EHMT2: variants seen among roughly 807,000 people sequenced by gnomAD.
EHMT2 encodes histone-lysine N-methyltransferase EHMT2.
Under a neutral mutation model 143.3 loss-of-function variants are expected in EHMT2, and 59 were observed. The observed-to-expected ratio is 0.41, with a 90% confidence interval of 0.33 to 0.51. The LOEUF is 0.51. Among genes scored for constraint, EHMT2 ranks in the 20% least tolerant of loss-of-function variants. EHMT2 has a pLI of 0.18. For synonymous variants in EHMT2, 604 were observed against 651.5 expected (o/e 0.93, Z 1.11); for missense variants, 1,174 against 1,645.9 (o/e 0.71, Z 4.96).
At chr6:31,896,182 G>C in intron 4 of EHMT2, 81 bp downstream of exon 4, 2 of 1,522,614 alleles carry the variant, frequency 1.3e-6, no homozygotes, top group South Asian at 1.3e-5. Context: ...TGAGTAAATG[G>C]AGTAGAAGCC....
intron 18 of EHMT2, chr6:31,886,379 C>A (rs929319226): frequency 8.4e-6 from 5 of 593,214 alleles, no homozygotes; most frequent in Non-Finnish European, 1.5e-5. Context: ...AAGACAGGAA[C>A]TGATTATTCT....
chr6:31,897,479 G>A (rs1257908940), intron 1 of EHMT2, among the ~76,000 whole-genome samples, 157 bp downstream of exon 1: 1 of 129,674 alleles, frequency 7.7e-6, no homozygotes, highest in Non-Finnish European at 1.7e-5. Flanking sequence ...CCCACACCCT[G>A]GTCCCCTCAT....
rs751211987 is a variant in EHMT2, at chr6:31,888,115, C to G, written c.1671G>C (p.Pro557=). The stretch of plus-strand genomic sequence containing the variant: ...GGGGTGCAGGAGCTGCAGTGCCGGC[C>G]GGTGGGGTCACCCCGTCACCCCGGG... The change falls in exon 13 of 28, where the codon CCG becomes CCC. Residue 557 remains proline, a synonymous_variant. Transcript: ENST00000375537. This position sits in a 1 kb window ranked among gnomAD's most constrained non-coding sequence, Gnocchi z 7.4. 11 of 1,611,944 alleles carry G rather than the reference C, an allele frequency of 6.8e-6. No homozygotes were observed. The highest frequency in any genetic ancestry group is 9.3e-6 in the Non-Finnish European group (11 of 1,179,616).
intron 18 of EHMT2, chr6:31,885,638 G>A (rs914100022): frequency 2.6e-5 from 4 of 152,332 alleles, no homozygotes; most frequent in Non-Finnish European, 5.9e-5. Flanking sequence ...AGGGTTGCTT[G>A]AGCCCAGGAT....
Position 31,888,864 on chromosome 6 carries a change from C to A in EHMT2, c.1216+105G>T. The A allele has an allele frequency of 6.6e-7, 1 of 1,511,168 alleles. No homozygotes were observed. The highest frequency in any genetic ancestry group is 9.0e-7 in the Non-Finnish European group (1 of 1,114,484). The allele number at this position is 1,511,168 out of a possible 1,614,324, so 93.6% of individuals were successfully genotyped here. On this transcript the variant is annotated intron_variant, in intron 10 of 27. Transcript: ENST00000375537. This position sits in a 1 kb window ranked among gnomAD's most constrained non-coding sequence, Gnocchi z 7.4. ...CCGCCATGCCCCAGAACCCCTAAAG[C>A]CTGGCCATGGACACCCCGGCTCTGG...
At chr6:31,882,637 G>T in intron 25 of EHMT2, 62 bp downstream of exon 25, 1 of 1,490,284 alleles carries the variant, frequency 6.7e-7, no homozygotes, top group Non-Finnish European at 9.2e-7. Flanking sequence ...GGGAGGCCTG[G>T]CAGTCAGCAG....
At position 31,880,119 on chromosome 6, in the gene EHMT2, G is replaced by A. The variant is rs1365772021; in HGVS notation, c.3598C>T (p.Pro1200Ser). Residue 1200 changes from proline to serine, a missense_variant, in exon 28 of 28, where the codon CCC (proline) becomes TCC (serine). Coordinates refer to ENST00000375537, the Ensembl canonical transcript of EHMT2. This position sits in a 1 kb window ranked among gnomAD's most constrained non-coding sequence, Gnocchi z 6.6. Reference sequence around the variant, plus strand: ...ACAGGGGGCAGGGAGCCGAGCTCGGGCAGCAGCTCAGGGTGTGGGTCCAGG... The same window carrying A: ...ACAGGGGGCAGGGAGCCGAGCTCGGACAGCAGCTCAGGGTGTGGGTCCAGG... 2 of 1,612,724 alleles carry A rather than the reference G, an allele frequency of 1.2e-6. No individual in the cohort carries two copies. The highest frequency in any genetic ancestry group is 1.7e-6 in the Non-Finnish European group (2 of 1,179,988).
In EHMT2 at chr6:31,884,528, G is replaced by A; in HGVS notation, c.2635C>T (p.Leu879=). The change falls in exon 21 of 28, where the codon CTG becomes TTG. Residue 879 remains leucine (L), a synonymous_variant. Coordinates refer to ENST00000375537, the Ensembl canonical transcript of EHMT2. The surrounding 1 kb of genome is among the most constrained non-coding windows in gnomAD (Gnocchi z 7.3). ...GCTGTGTCCCCCTCTTTGTTCCGCA[G>A]CTCAGGGTTGGCCCCACGTGACAGG... is the stretch of plus-strand genomic sequence containing the variant. The A allele has an allele frequency of 1.2e-6, 2 of 1,612,984 alleles. No individual in the cohort carries two copies. Among genetic ancestry groups the A allele is most frequent in the South Asian group, 1.1e-5 (1 of 91,086 alleles).
Position 31,889,465 on chromosome 6 carries a change from T to C in EHMT2, c.999+3A>G. 2 of 1,612,756 alleles carry C rather than the reference T, an allele frequency of 1.2e-6. No homozygotes were observed. The highest frequency in any genetic ancestry group is 3.3e-5 in the Admixed American group (2 of 60,014). Reference sequence around the variant, plus strand: ...TCTGGAGATATCAGCCTCCGTCTCTTACCCTATCTGACTGATTCCCTGACT... The same window carrying C: ...TCTGGAGATATCAGCCTCCGTCTCTCACCCTATCTGACTGATTCCCTGACT... On this transcript the variant is annotated splice_donor_region_variant and intron_variant, in intron 8 of 27. Coordinates refer to ENST00000375537, the Ensembl canonical transcript of EHMT2. The surrounding 1 kb of genome is among the most constrained non-coding windows in gnomAD (Gnocchi z 5.1).
At position 31,880,686 on chromosome 6, in the gene EHMT2, C is replaced by A. The variant is rs1451518269; in HGVS notation, c.3439G>T (p.Gly1147Trp). The A allele has an allele frequency of 6.2e-7, 1 of 1,613,884 alleles. No individual in the cohort carries two copies. Among genetic ancestry groups the A allele is most frequent in the Non-Finnish European group, 8.5e-7 (1 of 1,180,038 alleles). The change falls in exon 27 of 28, where the codon GGG (glycine) becomes TGG (tryptophan). Residue 1147 changes from glycine to tryptophan, a missense_variant. Physicochemically the swap from Gly to Trp is radical, Grantham distance 184. Coordinates refer to ENST00000375537, the Ensembl canonical transcript of EHMT2. The surrounding 1 kb of genome is among the most constrained non-coding windows in gnomAD (Gnocchi z 6.6). ...CTAGAGTCTCACCCTAGCTCCTCCC[C>A]AGTCCGGATGTCTCGGGAACTGAAG...
Position 31,884,202 on chromosome 6 carries a change from T to A in EHMT2, c.2771+190A>T. ...CATCTGTGCATCTGAAATTCCAGTT[T>A]AACTGGGTGTCTTCTATTTTTATTT... On this transcript the variant is annotated intron_variant, in intron 21 of 27. Coordinates refer to ENST00000375537, the Ensembl canonical transcript of EHMT2. This position sits in a 1 kb window ranked among gnomAD's most constrained non-coding sequence, Gnocchi z 7.3. The A allele has an allele frequency of 1.3e-6, 1 of 742,428 alleles. No individual in the cohort carries two copies. Among genetic ancestry groups the A allele is most frequent in the Non-Finnish European group, 2.1e-6 (1 of 469,994 alleles). The allele number at this position is 742,428 out of a possible 1,614,324, so 46.0% of individuals were successfully genotyped here. A position where few individuals can be genotyped will look rare whatever the true frequency, so the allele number is the denominator to read the frequency against.
rs1477118557 is a variant in EHMT2, at chr6:31,880,156, G to A, written c.3561C>T (p.Ser1187=). ...GGTGTGGGTCCAGGCGGGCCAGACG[G>A]CTCTGCTCCAGGGCAATGGCTTCGG... The change falls in exon 28 of 28, where the codon AGC becomes AGT. Residue 1187 remains serine, a synonymous_variant. Coordinates refer to ENST00000375537, the Ensembl canonical transcript of EHMT2. This position sits in a 1 kb window ranked among gnomAD's most constrained non-coding sequence, Gnocchi z 6.6. 1 of 1,613,014 alleles carries A rather than the reference G, an allele frequency of 6.2e-7. No individual in the cohort carries two copies. Among genetic ancestry groups the A allele is most frequent in the South Asian group, 1.1e-5 (1 of 91,086 alleles).
Position 31,883,199 on chromosome 6 carries a change from G to C in EHMT2, c.2994+163C>G, listed in dbSNP as rs1453485948. 1.1e-6 allele frequency: 1 copy of C among 884,070 alleles called. No individual in the cohort carries two copies. The highest frequency in any genetic ancestry group is 1.6e-5 in the South Asian group (1 of 62,472). The allele number at this position is 884,070 out of a possible 1,614,324, so 54.8% of individuals were successfully genotyped here. On this transcript the variant is annotated intron_variant, in intron 23 of 27. Coordinates refer to ENST00000375537, the Ensembl canonical transcript of EHMT2. The surrounding 1 kb of genome is among the most constrained non-coding windows in gnomAD (Gnocchi z 5.6). ...TAGACCTGGGCACACGCCCATCGCTGTCCCAGCCACATCCCAGGATTCCCA... is the reference window on the plus strand; with the variant it reads ...TAGACCTGGGCACACGCCCATCGCTCTCCCAGCCACATCCCAGGATTCCCA...
chr6:31,879,863 T>C (rs1477906303), exon 28 of EHMT2: 3 of 551,332 alleles, frequency 5.4e-6, no homozygotes, highest in Admixed American at 6.1e-5. Context: ...ACACGGGGGG[T>C]GGCCAGCCCT....
intron 16 of EHMT2, 37 bp from the exon 17 acceptor site, chr6:31,886,934 T>C (rs1764935498): frequency 2.5e-6 from 4 of 1,613,748 alleles, no homozygotes; most frequent in South Asian, 1.1e-5. Flanking sequence ...CAGGGAGGCA[T>C]GGGGCAGGGG....
Position 31,880,047 on chromosome 6 carries a change from G to A in EHMT2, c.*37C>T. Reference sequence around the variant, plus strand: ...GTGGCAGAGGAGGCGGCTGAGCTGTGGCCATCCATGCTGGGGAGAGAGGGT... The same window carrying A: ...GTGGCAGAGGAGGCGGCTGAGCTGTAGCCATCCATGCTGGGGAGAGAGGGT... On this transcript the variant is annotated 3_prime_UTR_variant, in exon 28 of 28. Transcript: ENST00000375537. This position sits in a 1 kb window ranked among gnomAD's most constrained non-coding sequence, Gnocchi z 6.6. 1 of 1,595,708 alleles carries A rather than the reference G, an allele frequency of 6.3e-7. No individual in the cohort carries two copies.
chr6:31,894,508 C>T (rs1457211537), intron 4 of EHMT2, among the ~76,000 whole-genome samples: 1 of 152,116 alleles, frequency 6.6e-6, no homozygotes, highest in Non-Finnish European at 1.5e-5. Flanking sequence ...GTCTCAAACT[C>T]CTGACCTCAG....
Position 31,881,496 on chromosome 6 carries a change from G to A in EHMT2, c.3198-404C>T, listed in dbSNP as rs1562472569. The A allele has an allele frequency of 6.9e-6, 2 of 291,270 alleles. No individual in the cohort carries two copies. Among genetic ancestry groups the A allele is most frequent in the African/African-American group, 2.1e-5 (1 of 46,876 alleles). The allele number at this position is 291,270 out of a possible 1,614,324, so 18.0% of individuals were successfully genotyped here. A position where few individuals can be genotyped will look rare whatever the true frequency, so the allele number is the denominator to read the frequency against. ...TGGCAAGGAACTCAAGGCATGATTC[G>A]GGGCAAGAGCACCCACACATATCTG... On this transcript the variant is annotated intron_variant, in intron 25 of 27. Coordinates refer to ENST00000375537, the Ensembl canonical transcript of EHMT2. This position sits in a 1 kb window ranked among gnomAD's most constrained non-coding sequence, Gnocchi z 4.8.
chr6:31,886,809 T>A, exon 17 of EHMT2: 1 of 1,614,264 alleles, frequency 6.2e-7, no homozygotes, highest in East Asian at 2.2e-5. Flanking sequence ...CTGCACCATG[T>A]AACGGGCTAC....
Sources: allele counts gnomAD v4.1 joint callset (sites outside exome capture counted in the v4.1 genomes callset), GRCh38; gene constraint gnomAD v4.1.1; non-coding constraint Gnocchi (gnomAD v3.1); transcripts MANE v1.5; gene names NCBI Gene and HGNC (gene_info 2026-07-23, HGNC 2026-07-21).